Variants in MROH9 observed in about 807,000 individuals in gnomAD.
MROH9 encodes maestro heat-like repeat-containing protein family member 9.
In MROH9, 92 loss-of-function variants were observed where a neutral mutation model predicts 98.2. The ratio of observed to expected loss-of-function variants is 0.94; its 90% CI spans 0.79 to 1.11. The LOEUF (loss-of-function observed/expected upper bound fraction) is 1.11, where lower values mean the gene tolerates loss of function less well. Ranked by LOEUF, MROH9 falls within the 50% of genes most tolerant of loss-of-function variation. The pLI is 0.00. For missense variants in MROH9, 1,057 were observed against 1,014.8 expected (o/e 1.04, Z -0.57); for synonymous variants, 397 against 368.9 (o/e 1.08, Z -0.87).
chr1:171,006,244 A>G (rs111610523), intron 15 of MROH9, among the ~76,000 whole-genome samples: 2,030 of 152,160 alleles, frequency 0.013, 32 homozygotes, highest in African/African-American at 0.047. Context: ...CTTTGAATAT[A>G]TCCCACTCCT....
At chr1:170,991,230 G>GA (rs1651342841) in intron 11 of MROH9, among the ~76,000 whole-genome samples, 1 of 152,138 alleles carries the variant, frequency 6.6e-6, no homozygotes, top group African/African-American at 2.4e-5. Context: ...GATTGAGGTA[G>GA]AAAAGGCCAG....
chr1:170,964,179 TA>T (rs981958219), intron 6 of MROH9, among the ~76,000 whole-genome samples: 2 of 151,848 alleles, frequency 1.3e-5, no homozygotes, highest in African/African-American at 4.8e-5. Context: ...TTCACAGATT[TA>T]AAAAAAATGA....
chr1:170,961,562 C>T (rs1200755446), intron 5 of MROH9, among the ~76,000 whole-genome samples: 2 of 152,116 alleles, frequency 1.3e-5, no homozygotes, highest in African/African-American at 4.8e-5. Context: ...GCTTTTCCTC[C>T]TATAAACATG....
At position 170,953,721 on chromosome 1, in the gene MROH9, GA is replaced by G. The variant is rs1268632097; in HGVS notation, c.73-4739del. Among the ~76,000 whole-genome samples the G allele has an allele frequency of 2.4e-5, 3 of 126,618 alleles. No individual in the cohort carries two copies. The South Asian group carries it at 8.0e-4, about 34-fold the overall frequency. The allele number at this position is 126,618 out of a possible 152,430, so 83.1% of individuals were successfully genotyped here. A position where few individuals can be genotyped will look rare whatever the true frequency, so the allele number is the denominator to read the frequency against. On this transcript the variant is annotated intron_variant, in intron 3 of 21. Transcript: ENST00000367759. Reference sequence around the variant, plus strand: ...TTATTTTTAAAAGCCATGCAATGTAGATTAGGGAAAGAAAAGAAAAGAAAAG... The same window carrying G: ...TTATTTTTAAAAGCCATGCAATGTAGTTAGGGAAAGAAAAGAAAAGAAAAG...
chr1:171,018,338 CAGAA>C (rs1426500138), intron 17 of MROH9, among the ~76,000 whole-genome samples: 1 of 151,332 alleles, frequency 6.6e-6, no homozygotes, highest in Non-Finnish European at 1.5e-5. Context: ...AACAAAGAAA[CAGAA>C]AGCAACAACA....
chr1:171,017,783 C>T (rs1452870484), intron 17 of MROH9, among the ~76,000 whole-genome samples: 1 of 152,208 alleles, frequency 6.6e-6, no homozygotes, highest in East Asian at 1.9e-4. Context: ...CTGTGGCAGA[C>T]TGTTGACGAG....
chr1:170,983,332 T>A (rs1288165833), intron 8 of MROH9, 90 bp from the exon 9 acceptor site: 2 of 841,336 alleles, frequency 2.4e-6, no homozygotes, highest in Non-Finnish European at 3.8e-6. Flanking sequence ...TCTCCAGAAC[T>A]GGGCAGGAAA....
At chr1:171,016,529 AAAG>A (rs1011542749) in intron 17 of MROH9, among the ~76,000 whole-genome samples, 193 bp downstream of exon 17, 29 of 152,244 alleles carry the variant, frequency 1.9e-4, no homozygotes, top group African/African-American at 7.0e-4. Flanking sequence ...CTGGGGAAGA[AAAG>A]AAGACTAATC....
At chr1:170,946,944 T>A (rs139012923) in intron 2 of MROH9, among the ~76,000 whole-genome samples, 232 of 152,090 alleles carry the variant, frequency 1.5e-3, no homozygotes, top group African/African-American at 5.2e-3. Context: ...TCCTTTCCAG[T>A]TTTAATATAT....
intron 8 of MROH9, among the ~76,000 whole-genome samples, chr1:170,973,387 C>G (rs1416174558): frequency 6.6e-6 from 1 of 151,984 alleles, no homozygotes; most frequent in African/African-American, 2.4e-5. Flanking sequence ...GGTTTTGTCT[C>G]ATTAGGAGAA....
chr1:170,970,814 G>A (rs1434896696), intron 7 of MROH9, among the ~76,000 whole-genome samples: 4 of 151,148 alleles, frequency 2.6e-5, no homozygotes. Flanking sequence ...AAAGGGCAGG[G>A]AAAATGGGGC....
At chr1:170,964,289 C>T (rs970624832) in intron 6 of MROH9, among the ~76,000 whole-genome samples, 1 of 152,032 alleles carries the variant, frequency 6.6e-6, no homozygotes, top group South Asian at 2.1e-4. Flanking sequence ...TTATACCTAC[C>T]ATGCCTAAAA....
intron 1 of MROH9, among the ~76,000 whole-genome samples, chr1:170,936,242 C>T (rs72710522): frequency 0.15 from 22,986 of 152,006 alleles, 1,980 homozygotes; most frequent in Non-Finnish European, 0.2. Flanking sequence ...CTGCTTTCTG[C>T]AAGACAGAGA....
intron 20 of MROH9, among the ~76,000 whole-genome samples, chr1:171,026,777 T>C (rs1337191990): frequency 6.6e-6 from 1 of 152,124 alleles, no homozygotes; most frequent in Non-Finnish European, 1.5e-5. Context: ...TTAGAAAATA[T>C]GTCGATAGAG....
chr1:171,050,585 T>C (rs998536258), intron 20 of MROH9, among the ~76,000 whole-genome samples: 16 of 149,776 alleles, frequency 1.1e-4, no homozygotes, highest in Admixed American at 2.7e-4. Context: ...TTTAGGGTTT[T>C]CTGCATGTAA....
At position 171,027,489 on chromosome 1, in the gene MROH9, A is replaced by G. The variant is rs182647254; in HGVS notation, c.2281+2069A>G. ...TGTGGGTTGGTTCCATGTCTTTGCC[A>G]TTTTAAATGGTGCTGCAATAAACAT... On this transcript the variant is annotated intron_variant, in intron 20 of 21. Transcript: ENST00000367759. Among the ~76,000 whole-genome samples the G allele has an allele frequency of 4.0e-4, 61 of 152,260 alleles. No individual in the cohort carries two copies. In the East Asian group the frequency reaches 0.011, roughly 28 times the overall value.
chr1:171,040,284 A>C (rs1240792844), intron 20 of MROH9, among the ~76,000 whole-genome samples: 1 of 152,160 alleles, frequency 6.6e-6, no homozygotes, highest in Non-Finnish European at 1.5e-5. Flanking sequence ...AGATAAATCT[A>C]GAGAGCTAAT....
chr1:170,953,871 G>GAGAGAGAA (rs1649657999), intron 3 of MROH9, among the ~76,000 whole-genome samples: 1 of 141,400 alleles, frequency 7.1e-6, no homozygotes, highest in Non-Finnish European at 1.5e-5. Context: ...AAGAGAGAGA[G>GAGAGAGAA]AGAGAGAGAA....
intron 5 of MROH9, among the ~76,000 whole-genome samples, chr1:170,960,552 C>G (rs1028424022): frequency 6.6e-6 from 1 of 152,128 alleles, no homozygotes; most frequent in East Asian, 1.9e-4. Flanking sequence ...TTTCTAGTAC[C>G]TACATAGTGT....
Sources: gnomAD v4.1 joint callset for allele counts (sites outside exome capture counted in the v4.1 genomes callset) on GRCh38, gnomAD v4.1.1 for gene constraint, MANE v1.5 for transcripts, NCBI Gene and HGNC (gene_info 2026-07-23, HGNC 2026-07-21) for gene names.